Variants in MPP7 observed in about 807,000 individuals in gnomAD.
MPP7 encodes MAGUK p55 scaffold protein 7, also known as MAGUK p55 subfamily member 7.
A neutral mutation model predicts 76.5 loss-of-function variants in MPP7; 60 were observed. That is an observed-to-expected ratio of 0.78 (90% CI 0.64 to 0.97). The LOEUF is 0.97. Ranked by LOEUF, MPP7 falls within the 50% of genes least tolerant of loss-of-function variation. MPP7 has a pLI of 0.00. For synonymous variants in MPP7, 237 were observed against 244.5 expected (o/e 0.97, Z 0.29); for missense variants, 641 against 694.0 (o/e 0.92, Z 0.86).
At chr10:28,112,356 T>A (rs1834531398) in intron 11 of MPP7, among the ~76,000 whole-genome samples, 1 of 152,098 alleles carries the variant, frequency 6.6e-6, no homozygotes, top group South Asian at 2.1e-4. Flanking sequence ...ACACCCTCGA[T>A]TAAAGACTTA....
Position 28,178,535 on chromosome 10 carries a change from A to ACT in MPP7, c.156+23616_156+23617dup, listed in dbSNP as rs142011574. Reference sequence around the variant, plus strand: ...TGAAACCGAAACCATTCTACTGAATACTCATCAACAAGCAGAGTAGCATGA... The same window carrying ACT: ...TGAAACCGAAACCATTCTACTGAATACTCTCATCAACAAGCAGAGTAGCATGA... On this transcript the variant is annotated intron_variant, in intron 3 of 16. Transcript: ENST00000683449. Among the ~76,000 whole-genome samples, 1,369 of 152,184 alleles carry ACT rather than the reference A, an allele frequency of 9.0e-3. 22 individuals carry two copies. Among genetic ancestry groups the ACT allele is most frequent in the African/African-American group, 0.031 (1,271 of 41,514 alleles).
At chr10:28,121,213 C>T (rs1013861135) in intron 8 of MPP7, among the ~76,000 whole-genome samples, 1 of 150,034 alleles carries the variant, frequency 6.7e-6, no homozygotes, top group Non-Finnish European at 1.5e-5. Context: ...TTCAAGGCTG[C>T]GGTGAGCTGT....
At chr10:28,059,823 TTTAA>T (rs1332693347) in intron 13 of MPP7, 80 bp from the exon 14 acceptor site, 5 of 927,232 alleles carry the variant, frequency 5.4e-6, no homozygotes, top group Non-Finnish European at 8.4e-6. Flanking sequence ...ATCAAGGGTA[TTTAA>T]TTAGTTTTTT....
At chr10:28,171,302 G>T (rs180818973) in intron 3 of MPP7, among the ~76,000 whole-genome samples, 4 of 152,262 alleles carry the variant, frequency 2.6e-5, no homozygotes, top group Non-Finnish European at 4.4e-5. Context: ...AAAAGAAAAT[G>T]AAAATTAATG....
chr10:28,228,903 G>A (rs940112851), intron 2 of MPP7, among the ~76,000 whole-genome samples: 2 of 152,138 alleles, frequency 1.3e-5, no homozygotes, highest in Admixed American at 1.3e-4. Context: ...AAACAAGATA[G>A]GTGAGAATTA....
intron 5 of MPP7, among the ~76,000 whole-genome samples, chr10:28,133,081 T>C (rs564016257): frequency 3.3e-5 from 5 of 152,334 alleles, no homozygotes; most frequent in African/African-American, 1.2e-4. Context: ...GTTTAGCAGG[T>C]GGAACACACA....
chr10:28,249,277 A>T (rs1175567600), intron 1 of MPP7, among the ~76,000 whole-genome samples: 1 of 152,136 alleles, frequency 6.6e-6, no homozygotes, highest in African/African-American at 2.4e-5. Flanking sequence ...GAAAACTGTC[A>T]ACAAATTAGA....
chr10:28,157,768 C>A (rs1339917385), intron 3 of MPP7, among the ~76,000 whole-genome samples: 3 of 152,180 alleles, frequency 2.0e-5, no homozygotes, highest in Non-Finnish European at 4.4e-5. Flanking sequence ...CTTGGGGGTA[C>A]CCACATTCAT....
At chr10:28,277,686 T>A (rs1840545557) in intron 1 of MPP7, among the ~76,000 whole-genome samples, 1 of 152,078 alleles carries the variant, frequency 6.6e-6, no homozygotes, top group African/African-American at 2.4e-5. Context: ...GAAGGCTGCA[T>A]ATATACTTAG....
intron 2 of MPP7, among the ~76,000 whole-genome samples, chr10:28,320,115 G>A (rs149399034): frequency 5.9e-5 from 9 of 152,338 alleles, no homozygotes; most frequent in African/African-American, 2.2e-4. Flanking sequence ...GAGTCAGTTA[G>A]TGACTCTGGA....
At chr10:28,208,835 T>A (rs868763923) in intron 2 of MPP7, among the ~76,000 whole-genome samples, 8 of 152,290 alleles carry the variant, frequency 5.3e-5, no homozygotes, top group Non-Finnish European at 1.0e-4. Context: ...ATGAGGCTGA[T>A]ATAGTTTAGG....
intron 2 of MPP7, among the ~76,000 whole-genome samples, chr10:28,230,223 G>C (rs1838835213): frequency 6.6e-6 from 1 of 151,950 alleles, no homozygotes; most frequent in African/African-American, 2.4e-5. Flanking sequence ...TAGAAAGAAA[G>C]AATAGGACAA....
At chr10:28,193,704 G>C (rs78783423) in intron 3 of MPP7, among the ~76,000 whole-genome samples, 12,118 of 152,038 alleles carry the variant, frequency 0.08, 1,029 homozygotes, top group East Asian at 0.43. Flanking sequence ...ACAAAGAATT[G>C]TTAAAGCTCA....
chr10:28,080,809 TTTC>T (rs1852725284), intron 12 of MPP7, among the ~76,000 whole-genome samples: 1 of 152,246 alleles, frequency 6.6e-6, no homozygotes, highest in Non-Finnish European at 1.5e-5. Flanking sequence ...TTCTCAGGAA[TTTC>T]ATTATGACTT....
chr10:28,214,659 G>A lies in MPP7; in HGVS notation c.38-12388C>T, dbSNP rs975960775. On this transcript the variant is annotated intron_variant, in intron 2 of 16. Transcript: ENST00000683449. ...ACAGTGAAAGAAATCAGACCTAACC[G>A]ACTCCATCTTGTTTCTAACCTTTAA... 4.6e-5 allele frequency among the ~76,000 whole-genome samples: 7 copies of A among 152,124 alleles called. No individual in the cohort carries two copies. The East Asian group carries it at 5.8e-4, about 13-fold the overall frequency.
At chr10:28,083,618 A>T (rs191657549) in intron 12 of MPP7, among the ~76,000 whole-genome samples, 1 of 143,280 alleles carries the variant, frequency 7.0e-6, no homozygotes, top group Non-Finnish European at 1.5e-5. Context: ...GCTCACCGCA[A>T]CCTCTGCCTC....
At position 28,123,462 on chromosome 10, in the gene MPP7, CTTTTTTTTTTTTT is replaced by C. The variant is rs200098933; in HGVS notation, c.615+556_615+568del. Among the ~76,000 whole-genome samples, 16 of 92,512 alleles carry C rather than the reference CTTTTTTTTTTTTT, an allele frequency of 1.7e-4. No homozygotes were observed. The East Asian group carries it at 4.2e-3, about 24-fold the overall frequency. The allele number at this position is 92,512 out of a possible 152,430, so 60.7% of individuals were successfully genotyped here. On this transcript the variant is annotated intron_variant, in intron 8 of 16. Coordinates refer to ENST00000683449, the MANE Select transcript of MPP7 (RefSeq NM_001318170.2). ...TTGGGACAGGGACAGGTACTAAATT[CTTTTTTTTTTTTT>C]TTTTTTTTTTTGAGACAAAGTCTTG...
intron 5 of MPP7, among the ~76,000 whole-genome samples, chr10:28,139,738 A>G (rs1329981064): frequency 6.6e-6 from 1 of 152,200 alleles, no homozygotes; most frequent in Non-Finnish European, 1.5e-5. Context: ...ATTAGCTATT[A>G]CAATTAATTT....
At chr10:28,217,383 G>T (rs190768209) in intron 2 of MPP7, among the ~76,000 whole-genome samples, 4 of 151,770 alleles carry the variant, frequency 2.6e-5, no homozygotes, top group Non-Finnish European at 5.9e-5. Flanking sequence ...ACAAATATTA[G>T]CTGGGTGTAC....
Sources: gnomAD v4.1 joint callset for allele counts (sites outside exome capture counted in the v4.1 genomes callset) on GRCh38, gnomAD v4.1.1 for gene constraint, MANE v1.5 for transcripts, NCBI Gene and HGNC (gene_info 2026-07-23, HGNC 2026-07-21) for gene names.